ITPK1: variants seen among roughly 807,000 people sequenced by gnomAD.
ITPK1 encodes inositol-tetrakisphosphate 1-kinase.
Under a neutral mutation model 45.3 loss-of-function variants are expected in ITPK1, and 21 were observed. The ratio of observed to expected loss-of-function variants is 0.46; its 90% confidence interval spans 0.33 to 0.67. ITPK1 has a LOEUF of 0.67. Ranked by LOEUF, ITPK1 falls within the 30% of genes least tolerant of loss-of-function variation. The pLI is 0.02. For synonymous variants in ITPK1, 258 were observed against 253.6 expected, an observed-to-expected ratio of 1.02 and a Z score of -0.16; for missense variants, 474 against 573.5, an observed-to-expected ratio of 0.83 and a Z score of 1.77.
At chr14:93,080,118 G>A (rs1891379628) in intron 2 of ITPK1, among the ~76,000 whole-genome samples, 1 of 152,316 alleles carries the variant, frequency 6.6e-6, no homozygotes, top group African/African-American at 2.4e-5. Context: ...TCTCCAAGAC[G>A]TTGCTGTGTG....
chr14:93,098,476 A>G (rs1892179498), intron 2 of ITPK1, among the ~76,000 whole-genome samples: 1 of 151,584 alleles, frequency 6.6e-6, no homozygotes, highest in Admixed American at 6.6e-5. Context: ...AAACACACAA[A>G]AATTAGCCGG....
intron 3 of ITPK1, among the ~76,000 whole-genome samples, chr14:93,033,678 G>A (rs895622938): frequency 6.6e-6 from 1 of 152,202 alleles, no homozygotes; most frequent in South Asian, 2.1e-4. Context: ...TCTAAGGAAA[G>A]GCAGAGAGGA....
chr14:93,085,521 C>T (rs538497064), intron 2 of ITPK1, among the ~76,000 whole-genome samples: 5 of 152,182 alleles, frequency 3.3e-5, no homozygotes, highest in Non-Finnish European at 7.3e-5. Flanking sequence ...AAGAGAGAGA[C>T]AGAGTGGGTG....
At chr14:93,096,498 G>A (rs1428032562) in intron 2 of ITPK1, among the ~76,000 whole-genome samples, 1 of 152,244 alleles carries the variant, frequency 6.6e-6, no homozygotes, top group Non-Finnish European at 1.5e-5. Context: ...CACGGAGGGA[G>A]GCCAATAGAT....
Position 93,016,409 on chromosome 14 carries a change from T to G in ITPK1, c.246+267A>C, listed in dbSNP as rs1182744419. Reference sequence around the variant, plus strand: ...TGGAGGCCACACTGGAACTCAGCGATGCCTCATCAGTAAACCGTGTCTACA... The same window carrying G: ...TGGAGGCCACACTGGAACTCAGCGAGGCCTCATCAGTAAACCGTGTCTACA... On this transcript the variant is annotated intron_variant, in intron 4 of 10. Transcript: ENST00000267615. This position sits in a 1 kb window ranked among gnomAD's most constrained non-coding sequence, Gnocchi z 5.0. 3.9e-5 allele frequency among the ~76,000 whole-genome samples: 6 copies of G among 152,132 alleles called. No individual in the cohort carries two copies. In the East Asian group the frequency reaches 1.2e-3, roughly 29 times the overall value.
intron 4 of ITPK1, among the ~76,000 whole-genome samples, chr14:93,003,782 C>T (rs1284012514): frequency 6.6e-6 from 1 of 152,168 alleles, no homozygotes; most frequent in Non-Finnish European, 1.5e-5. Context: ...TTAACCCGAG[C>T]GCGTGGGTCC....
chr14:93,088,981 C>G (rs887472921), intron 2 of ITPK1, among the ~76,000 whole-genome samples: 1 of 152,242 alleles, frequency 6.6e-6, no homozygotes, highest in African/African-American at 2.4e-5. Context: ...TCCCACAGCA[C>G]TGTGTGACTT....
chr14:92,953,176 A>G (rs4905015), intron 8 of ITPK1, among the ~76,000 whole-genome samples: 2,801 of 152,358 alleles, frequency 0.018, 75 homozygotes, highest in Admixed American at 0.081. Flanking sequence ...AGGACTTCAC[A>G]GCGCCGCAAC....
chr14:92,965,898 G>A (rs531062111), intron 5 of ITPK1, among the ~76,000 whole-genome samples: 1 of 152,342 alleles, frequency 6.6e-6, no homozygotes, highest in South Asian at 2.1e-4. Flanking sequence ...AGCTACTCAG[G>A]AGGCCGAGGC....
chr14:92,994,760 C>A (rs929748070), intron 4 of ITPK1, among the ~76,000 whole-genome samples: 2 of 152,144 alleles, frequency 1.3e-5, no homozygotes, highest in East Asian at 3.9e-4. Context: ...GTGGGGGTCT[C>A]AGGGAAAAAG....
chr14:93,056,326 G>C (rs1417484655), intron 3 of ITPK1, among the ~76,000 whole-genome samples: 1 of 152,230 alleles, frequency 6.6e-6, no homozygotes. Flanking sequence ...CCCAAGGGCA[G>C]TGTGGCATGT....
chr14:93,031,365 T>C (rs1255188981), intron 3 of ITPK1, among the ~76,000 whole-genome samples: 1 of 152,190 alleles, frequency 6.6e-6, no homozygotes, highest in Non-Finnish European at 1.5e-5. Flanking sequence ...GTTAGATGCC[T>C]CAGTCCCTTT....
intron 7 of ITPK1, among the ~76,000 whole-genome samples, chr14:92,960,944 G>C (rs557973012): frequency 6.6e-6 from 1 of 152,254 alleles, no homozygotes; most frequent in Non-Finnish European, 1.5e-5. Context: ...AACTGACAAC[G>C]GGACGGCGGG....
intron 3 of ITPK1, among the ~76,000 whole-genome samples, chr14:93,039,290 G>A (rs1056318879): frequency 6.6e-6 from 1 of 152,140 alleles, no homozygotes; most frequent in African/African-American, 2.4e-5. Flanking sequence ...GTTCTACAGA[G>A]GCTGTTCTCT....
intron 4 of ITPK1, among the ~76,000 whole-genome samples, chr14:92,994,624 A>G (rs1886958180): frequency 1.3e-5 from 2 of 152,338 alleles, no homozygotes; most frequent in South Asian, 4.1e-4. Context: ...AGAACTCAAT[A>G]AAATAATGGG....
intron 2 of ITPK1, among the ~76,000 whole-genome samples, chr14:93,090,782 G>C (rs1239066733): frequency 1.3e-5 from 2 of 150,580 alleles, no homozygotes; most frequent in Non-Finnish European, 3.0e-5. Flanking sequence ...TTTTCTTTTT[G>C]CTTAAACTCA....
chr14:92,986,453 C>G (rs1886487697), intron 5 of ITPK1, among the ~76,000 whole-genome samples: 1 of 152,196 alleles, frequency 6.6e-6, no homozygotes, highest in Admixed American at 6.5e-5. Context: ...GACAAACAGT[C>G]TGTTCACCAA....
chr14:93,016,467 C>T lies in ITPK1; in HGVS notation c.246+209G>A, dbSNP rs1888183297. ...GGGGTGGAGACGGCCCAACCATGCCCTGGTTCAGTCCCCACGCTACACCCG... is the reference window on the plus strand; with the variant it reads ...GGGGTGGAGACGGCCCAACCATGCCTTGGTTCAGTCCCCACGCTACACCCG... On this transcript the variant is annotated intron_variant, in intron 4 of 10. Transcript: ENST00000267615. This position sits in a 1 kb window ranked among gnomAD's most constrained non-coding sequence, Gnocchi z 5.0. 1.3e-5 allele frequency among the ~76,000 whole-genome samples: 2 copies of T among 152,208 alleles called. No homozygotes were observed. The highest frequency in any genetic ancestry group is 2.4e-5 in the African/African-American group (1 of 41,446).
At chr14:93,097,606 T>C (rs937911284) in intron 2 of ITPK1, among the ~76,000 whole-genome samples, 1 of 152,196 alleles carries the variant, frequency 6.6e-6, no homozygotes, top group African/African-American at 2.4e-5. Context: ...TTGTTATGCA[T>C]CAATAACTGA....
Sources: gnomAD v4.1 joint callset for allele counts (sites outside exome capture counted in the v4.1 genomes callset) on GRCh38, gnomAD v4.1.1 for gene constraint, Gnocchi (gnomAD v3.1) non-coding constraint, MANE v1.5 for transcripts, NCBI Gene and HGNC (gene_info 2026-07-23, HGNC 2026-07-21) for gene names.